LINGO2: variants seen among roughly 807,000 people sequenced by gnomAD.
LINGO2 encodes leucine-rich repeat and immunoglobulin-like domain-containing nogo receptor-interacting protein 2.
In LINGO2, 14 loss-of-function variants were observed where a neutral mutation model predicts 30.6. The observed-to-expected ratio is 0.46, with a 90% CI of 0.30 to 0.72. The LOEUF (loss-of-function observed/expected upper bound fraction) is 0.72. LINGO2 is among the 30% of genes least tolerant of loss of function. LINGO2 has a pLI of 0.07. For synonymous variants in LINGO2, 317 were observed against 288.5 expected (o/e 1.10, Z -1.00); for missense variants, 729 against 751.7 (o/e 0.97, Z 0.35).
chr9:28,219,832 T>C (rs2133891465), intron 4 of LINGO2, among the ~76,000 whole-genome samples: 1 of 152,308 alleles, frequency 6.6e-6, no homozygotes, highest in Non-Finnish European at 1.5e-5. Flanking sequence ...GTTTTCCTCT[T>C]GGAGATTCAT....
At chr9:28,054,776 C>G (rs191562377) in intron 4 of LINGO2, among the ~76,000 whole-genome samples, 284 of 151,738 alleles carry the variant, frequency 1.9e-3, no homozygotes, top group Middle Eastern at 3.4e-3. Context: ...TGATCATATT[C>G]CAGGCTATAA....
intron 1 of LINGO2, among the ~76,000 whole-genome samples, chr9:28,667,727 G>C (rs937214474): frequency 6.6e-6 from 1 of 152,156 alleles, no homozygotes; most frequent in Non-Finnish European, 1.5e-5. Flanking sequence ...CTGGGAAACA[G>C]AGTGAGCCTC....
At chr9:28,288,834 T>C (rs1436633002) in intron 4 of LINGO2, among the ~76,000 whole-genome samples, 1 of 152,216 alleles carries the variant, frequency 6.6e-6, no homozygotes. Context: ...GAGCAAGGGA[T>C]GTATTGCATA....
chr9:28,676,151 TTATAA>T, the LINGO2 span, among the ~76,000 whole-genome samples: 4 of 151,236 alleles, frequency 2.6e-5, no homozygotes, highest in East Asian at 5.8e-4. Flanking sequence ...TCCATTTTAA[TTATAA>T]TATAATAAAA....
the LINGO2 span, among the ~76,000 whole-genome samples, chr9:28,678,312 G>C: frequency 6.6e-6 from 1 of 151,896 alleles, no homozygotes; most frequent in Non-Finnish European, 1.5e-5. Flanking sequence ...ATGGGCTGTT[G>C]GCACTGTTAG....
intron 4 of LINGO2, among the ~76,000 whole-genome samples, chr9:28,285,759 A>T (rs1347847038): frequency 6.6e-6 from 1 of 152,034 alleles, no homozygotes; most frequent in Admixed American, 6.6e-5. Context: ...GCCTTACTTA[A>T]AGTCAGATAA....
intron 2 of LINGO2, among the ~76,000 whole-genome samples, chr9:28,410,737 T>C (rs1233228915): frequency 6.6e-6 from 1 of 152,146 alleles, no homozygotes; most frequent in East Asian, 1.9e-4. Flanking sequence ...ACTGTGTATG[T>C]TTTACTTGCT....
At chr9:28,385,868 C>T (rs545928072) in intron 2 of LINGO2, among the ~76,000 whole-genome samples, 1 of 152,116 alleles carries the variant, frequency 6.6e-6, no homozygotes, top group South Asian at 2.1e-4. Flanking sequence ...GCTGGTATAT[C>T]CTTGGAAACT....
At chr9:28,868,671 T>G in the LINGO2 span, among the ~76,000 whole-genome samples, 1 of 152,120 alleles carries the variant, frequency 6.6e-6, no homozygotes, top group African/African-American at 2.4e-5. Flanking sequence ...TTTAAAAACA[T>G]GTAAACTTTC....
At chr9:28,831,531 AG>A in the LINGO2 span, among the ~76,000 whole-genome samples, 32 of 152,162 alleles carry the variant, frequency 2.1e-4, no homozygotes, top group African/African-American at 7.0e-4. Context: ...ATTTAAACCC[AG>A]GTCAGCCAGA....
At chr9:28,500,608 A>G (rs989664246) in intron 1 of LINGO2, among the ~76,000 whole-genome samples, 1 of 152,188 alleles carries the variant, frequency 6.6e-6, no homozygotes, top group Non-Finnish European at 1.5e-5. Flanking sequence ...ATAAGGAGAT[A>G]AGAAGTAAAA....
chr9:29,175,982 T>C, the LINGO2 span, among the ~76,000 whole-genome samples: 1 of 152,114 alleles, frequency 6.6e-6, no homozygotes, highest in Non-Finnish European at 1.5e-5. Context: ...TTGGTATTTA[T>C]TCAGGAATCC....
the LINGO2 span, among the ~76,000 whole-genome samples, chr9:28,817,661 A>G: frequency 2.0e-5 from 3 of 152,208 alleles, no homozygotes; most frequent in East Asian, 3.9e-4. Context: ...GGAGCCCATT[A>G]TAGAATCATC....
In LINGO2 at chr9:27,999,342, G is replaced by T. The variant is rs1028311079; in HGVS notation, c.-36+13013C>A. 3.3e-5 allele frequency among the ~76,000 whole-genome samples: 5 copies of T among 151,930 alleles called. No homozygotes were observed. The East Asian group carries it at 9.7e-4, about 29-fold the overall frequency. ...ACTCAGGTGGAAAAGAGAAAGATAT[G>T]ATGTTTTGTGTGCAGGTGTAACTTG... On this transcript the variant is annotated intron_variant, in intron 5 of 5. Coordinates refer to ENST00000379992, the Ensembl canonical transcript of LINGO2.
intron 4 of LINGO2, among the ~76,000 whole-genome samples, chr9:28,055,920 C>T (rs1824916925): frequency 6.6e-6 from 1 of 152,148 alleles, no homozygotes; most frequent in South Asian, 2.1e-4. Flanking sequence ...CTTCTCGAGA[C>T]CCTCACTAAG....
chr9:28,097,313 G>T (rs1826273331), intron 4 of LINGO2, among the ~76,000 whole-genome samples: 1 of 151,814 alleles, frequency 6.6e-6, no homozygotes, highest in African/African-American at 2.4e-5. Context: ...AATACCATTT[G>T]ACCCAGCCAT....
the LINGO2 span, among the ~76,000 whole-genome samples, chr9:29,180,359 T>A: frequency 6.6e-6 from 1 of 152,236 alleles, no homozygotes; most frequent in African/African-American, 2.4e-5. Flanking sequence ...TCCCACGTTA[T>A]ACATGCGAGG....
At chr9:28,632,550 T>C (rs1234794577) in intron 1 of LINGO2, among the ~76,000 whole-genome samples, 4 of 147,832 alleles carry the variant, frequency 2.7e-5, no homozygotes, top group Non-Finnish European at 4.5e-5. Flanking sequence ...TATATCTCAA[T>C]ATATAATATA....
At chr9:28,971,312 T>C in the LINGO2 span, among the ~76,000 whole-genome samples, 1,312 of 152,300 alleles carry the variant, frequency 8.6e-3, 24 homozygotes, top group African/African-American at 0.03. Context: ...CTCAGTGGCA[T>C]AGACCACTAA....
Sources: gnomAD v4.1 joint callset for allele counts (sites outside exome capture counted in the v4.1 genomes callset) on GRCh38, gnomAD v4.1.1 for gene constraint, MANE v1.5 for transcripts, NCBI Gene and HGNC (gene_info 2026-07-23, HGNC 2026-07-21) for gene names.